CPEB3: variants seen among roughly 807,000 people sequenced by gnomAD.
CPEB3 encodes the protein cytoplasmic polyadenylation element binding protein 3, also known as cytoplasmic polyadenylation element-binding protein 3.
A neutral mutation model predicts 67.2 loss-of-function variants in CPEB3; 20 were observed. The observed-to-expected ratio is 0.30, with a 90% CI of 0.21 to 0.43. The LOEUF is 0.43. Ranked by LOEUF, CPEB3 falls within the 20% of genes least tolerant of loss-of-function variation. The probability of loss-of-function intolerance (pLI) is 1.00; values close to 1 mark genes in which losing one functional copy is unlikely to be tolerated. For synonymous variants in CPEB3, 376 were observed against 393.1 expected (o/e 0.96, Z 0.51); for missense variants, 746 against 968.6 (o/e 0.77, Z 3.05).
At chr10:92,161,519 C>G (rs569170319) in intron 4 of CPEB3, among the ~76,000 whole-genome samples, 5 of 152,020 alleles carry the variant, frequency 3.3e-5, no homozygotes, top group Non-Finnish European at 7.4e-5. Flanking sequence ...GTGATCCACC[C>G]ACGTTGGCCT....
At chr10:92,288,296 C>CA (rs1168167357) in intron 1 of CPEB3, among the ~76,000 whole-genome samples, 1 of 151,764 alleles carries the variant, frequency 6.6e-6, no homozygotes, top group Non-Finnish European at 1.5e-5. Flanking sequence ...ACCATCTCTA[C>CA]AAAAAAAATT....
chr10:92,233,332 T>C (rs373601625), intron 2 of CPEB3, among the ~76,000 whole-genome samples: 25 of 151,984 alleles, frequency 1.6e-4, no homozygotes, highest in Middle Eastern at 3.4e-3. Context: ...AGTTCAAAAC[T>C]AGCCTAGCCA....
rs144415442 is a variant in CPEB3, at chr10:92,209,262, C to A, written c.1006-16626G>T. On this transcript the variant is annotated intron_variant, in intron 2 of 9. Transcript: ENST00000265997. ...ATATTAGGCCAGGCACAATGGCTCA[C>A]GCCTATAATCCCAGCATTCTGGGAG... 5.5e-4 allele frequency among the ~76,000 whole-genome samples: 84 copies of A among 152,348 alleles called. 1 individual carries two copies. The East Asian group carries it at 0.011, about 19-fold the overall frequency.
chr10:92,233,605 A>G (rs1406094310), intron 2 of CPEB3, among the ~76,000 whole-genome samples: 1 of 151,820 alleles, frequency 6.6e-6, no homozygotes, highest in Non-Finnish European at 1.5e-5. Flanking sequence ...AACACAAACT[A>G]CTTGAAAAAT....
chr10:92,113,271 T>C (rs1270321144), intron 6 of CPEB3, among the ~76,000 whole-genome samples: 2 of 152,214 alleles, frequency 1.3e-5, no homozygotes, highest in Non-Finnish European at 2.9e-5. Context: ...GAAAAGACAA[T>C]ACATACATCA....
At chr10:92,171,461 C>G (rs1037675886) in intron 4 of CPEB3, among the ~76,000 whole-genome samples, 1 of 152,128 alleles carries the variant, frequency 6.6e-6, no homozygotes, top group Non-Finnish European at 1.5e-5. Flanking sequence ...TCACCCTACG[C>G]CAATGAAATT....
chr10:92,218,972 T>C (rs2134424996), intron 2 of CPEB3, among the ~76,000 whole-genome samples: 1 of 152,272 alleles, frequency 6.6e-6, no homozygotes, highest in East Asian at 1.9e-4. Flanking sequence ...TAATACTGAC[T>C]ACTGTAAAAA....
chr10:92,135,835 A>C (rs550321743), intron 6 of CPEB3, among the ~76,000 whole-genome samples: 3 of 152,326 alleles, frequency 2.0e-5, no homozygotes, highest in African/African-American at 7.2e-5. Flanking sequence ...GTAGCCATAA[A>C]AAAGGATGAG....
At chr10:92,248,522 T>C (rs978725741) in intron 1 of CPEB3, among the ~76,000 whole-genome samples, 5 of 152,204 alleles carry the variant, frequency 3.3e-5, no homozygotes, top group African/African-American at 7.2e-5. Context: ...AGGTGCACTA[T>C]ACATGCTTGC....
intron 7 of CPEB3, among the ~76,000 whole-genome samples, chr10:92,098,897 G>C (rs369975019): frequency 6.7e-6 from 1 of 149,520 alleles, no homozygotes; most frequent in African/African-American, 2.5e-5. Context: ...TTGGTCTCCC[G>C]AGTAGCTGGG....
intron 3 of CPEB3, among the ~76,000 whole-genome samples, chr10:92,186,284 C>G (rs1053908033): frequency 6.6e-6 from 1 of 151,224 alleles, no homozygotes; most frequent in Admixed American, 6.6e-5. Context: ...CAGCTACTCA[C>G]GAGGCTGAGG....
chr10:92,096,322 G>A (rs966825337), intron 7 of CPEB3, among the ~76,000 whole-genome samples: 1 of 152,082 alleles, frequency 6.6e-6, no homozygotes, highest in African/African-American at 2.4e-5. Context: ...ATGCACATAG[G>A]TTACGTCATT....
chr10:92,162,821 G>C (rs1300306148), intron 4 of CPEB3, among the ~76,000 whole-genome samples: 3 of 152,154 alleles, frequency 2.0e-5, no homozygotes, highest in Non-Finnish European at 2.9e-5. Context: ...CCCAAGGGAA[G>C]GGCATGTTAT....
At chr10:92,286,157 G>C (rs561673433) in intron 1 of CPEB3, among the ~76,000 whole-genome samples, 1 of 151,870 alleles carries the variant, frequency 6.6e-6, no homozygotes, top group South Asian at 2.1e-4. Flanking sequence ...GGATGGTTTC[G>C]ATCTCCTGAC....
At chr10:92,130,527 A>G (rs1306343182) in intron 6 of CPEB3, among the ~76,000 whole-genome samples, 1 of 152,106 alleles carries the variant, frequency 6.6e-6, no homozygotes, top group Non-Finnish European at 1.5e-5. Context: ...TCAATGGGTC[A>G]TTAAATGTCT....
chr10:92,283,780 G>A (rs1170071731), intron 1 of CPEB3, among the ~76,000 whole-genome samples: 1 of 138,844 alleles, frequency 7.2e-6, no homozygotes, highest in East Asian at 2.1e-4. Flanking sequence ...AGGCTGGAGT[G>A]CAGTGGTGCA....
At chr10:92,061,533 A>G (rs1842354540) in intron 9 of CPEB3, among the ~76,000 whole-genome samples, 1 of 152,204 alleles carries the variant, frequency 6.6e-6, no homozygotes. Flanking sequence ...ATTTGCAACA[A>G]CATGGATAGA....
At chr10:92,078,181 C>G (rs1177027240) in intron 9 of CPEB3, among the ~76,000 whole-genome samples, 7 of 152,116 alleles carry the variant, frequency 4.6e-5, no homozygotes, top group Admixed American at 4.6e-4. Flanking sequence ...GTGACCCGCC[C>G]AAGGTCATAT....
At chr10:92,264,804 C>A (rs1852975633) in intron 1 of CPEB3, among the ~76,000 whole-genome samples, 1 of 151,740 alleles carries the variant, frequency 6.6e-6, no homozygotes, top group Non-Finnish European at 1.5e-5. Flanking sequence ...GTAATCCCAA[C>A]ACAATGGGAG....
Sources: allele counts gnomAD v4.1 joint callset (sites outside exome capture counted in the v4.1 genomes callset), GRCh38; gene constraint gnomAD v4.1.1; transcripts MANE v1.5; gene names NCBI Gene and HGNC (gene_info 2026-07-23, HGNC 2026-07-21).